The following PRKCE variants were observed in gnomAD, a reference collection of about 807,000 sequenced individuals.
PRKCE encodes protein kinase C epsilon type.
In PRKCE, 16 loss-of-function variants were observed where a neutral mutation model predicts 85.4. The observed-to-expected ratio is 0.19, with a 90% CI of 0.13 to 0.28. PRKCE has a LOEUF of 0.28. PRKCE is among the 10% of genes least tolerant of loss of function. The probability of loss-of-function intolerance (pLI) is 1.00; values close to 1 mark genes in which losing one functional copy is unlikely to be tolerated. For missense variants in PRKCE, 573 were observed against 975.2 expected (o/e 0.59, Z 5.49); for synonymous variants, 388 against 371.5 (o/e 1.04, Z -0.51).
intron 2 of PRKCE, among the ~76,000 whole-genome samples, chr2:45,914,627 T>A (rs1425479734): frequency 6.6e-6 from 1 of 152,210 alleles, no homozygotes; most frequent in Non-Finnish European, 1.5e-5. Flanking sequence ...CCCTGGACCA[T>A]GCATTTAGAG....
chr2:45,864,520 C>T (rs1335620455), intron 2 of PRKCE, among the ~76,000 whole-genome samples: 1 of 152,142 alleles, frequency 6.6e-6, no homozygotes, highest in Non-Finnish European at 1.5e-5. Flanking sequence ...TAATTGCCTT[C>T]TTAATGTACT....
At chr2:45,713,203 A>T (rs1433277099) in intron 1 of PRKCE, among the ~76,000 whole-genome samples, 1 of 152,148 alleles carries the variant, frequency 6.6e-6, no homozygotes, top group Non-Finnish European at 1.5e-5. Flanking sequence ...ATGTGTTTGG[A>T]ATCAAGTTCT....
intron 10 of PRKCE, chr2:46,073,619 C>A (rs981222248): frequency 6.6e-6 from 1 of 152,082 alleles, no homozygotes; most frequent in Admixed American, 6.6e-5. Flanking sequence ...CAGCAGAACC[C>A]AACAGGAGCA....
chr2:46,090,448 C>T (rs4953306), intron 11 of PRKCE, among the ~76,000 whole-genome samples: 3,656 of 152,196 alleles, frequency 0.024, 95 homozygotes, highest in East Asian at 0.11. Context: ...GATACCTCTT[C>T]TGTGATTGAG....
intron 1 of PRKCE, among the ~76,000 whole-genome samples, chr2:45,722,474 C>G (rs150637076): frequency 6.6e-6 from 1 of 152,320 alleles, no homozygotes; most frequent in East Asian, 1.9e-4. Flanking sequence ...GCAGGAACCT[C>G]CAGAGGTTCC....
At chr2:45,704,980 G>A (rs142793304) in intron 1 of PRKCE, among the ~76,000 whole-genome samples, 2 of 152,246 alleles carry the variant, frequency 1.3e-5, no homozygotes, top group East Asian at 1.9e-4. Flanking sequence ...TATCAGGAGG[G>A]GAGCCTGAAT....
chr2:45,667,407 C>G (rs1220807493), intron 1 of PRKCE, among the ~76,000 whole-genome samples: 1 of 152,112 alleles, frequency 6.6e-6, no homozygotes, highest in East Asian at 1.9e-4. Context: ...TTCGGCCTCC[C>G]AAAGTGCTGG....
intron 11 of PRKCE, among the ~76,000 whole-genome samples, chr2:46,104,108 C>T (rs1671488600): frequency 6.6e-6 from 1 of 152,126 alleles, no homozygotes; most frequent in Non-Finnish European, 1.5e-5. Flanking sequence ...TAATCAGAAT[C>T]CTCTGCCAGA....
intron 1 of PRKCE, among the ~76,000 whole-genome samples, chr2:45,656,426 T>C (rs1326892544): frequency 6.6e-6 from 1 of 152,210 alleles, no homozygotes; most frequent in African/African-American, 2.4e-5. Flanking sequence ...ATTCTCCAGA[T>C]AATGAGAGAT....
intron 10 of PRKCE, among the ~76,000 whole-genome samples, chr2:46,085,352 C>A (rs555578826): frequency 6.6e-6 from 1 of 152,212 alleles, no homozygotes; most frequent in African/African-American, 2.4e-5. Context: ...TTCCACATTG[C>A]AATCTATTGG....
chr2:46,124,009 A>T (rs1673604357), intron 11 of PRKCE, among the ~76,000 whole-genome samples: 2 of 152,180 alleles, frequency 1.3e-5, no homozygotes, highest in African/African-American at 4.8e-5. Flanking sequence ...TTGAAAAGTG[A>T]TTTTAAAATG....
chr2:45,738,072 C>G (rs1682239287), intron 1 of PRKCE, among the ~76,000 whole-genome samples: 1 of 152,180 alleles, frequency 6.6e-6, no homozygotes, highest in East Asian at 1.9e-4. Flanking sequence ...CGACGCAAAC[C>G]TTTTGTCTGG....
intron 1 of PRKCE, among the ~76,000 whole-genome samples, chr2:45,727,499 G>C (rs1406091392): frequency 1.3e-5 from 2 of 152,176 alleles, no homozygotes; most frequent in East Asian, 3.9e-4. Context: ...GGGCATTCCA[G>C]GTAGCTTAGA....
intron 10 of PRKCE, among the ~76,000 whole-genome samples, chr2:46,024,694 A>G (rs749593752): frequency 2.6e-5 from 4 of 152,198 alleles, no homozygotes; most frequent in Non-Finnish European, 4.4e-5. Context: ...AAAGTGTCCA[A>G]GGATGAGAGT....
chr2:46,055,759 C>T (rs1373610695), intron 10 of PRKCE, among the ~76,000 whole-genome samples: 1 of 152,092 alleles, frequency 6.6e-6, no homozygotes, highest in Non-Finnish European at 1.5e-5. Flanking sequence ...ACCACCTGGG[C>T]TCAAGTGATG....
At chr2:46,080,119 T>C (rs1031597612) in intron 10 of PRKCE, among the ~76,000 whole-genome samples, 2 of 152,210 alleles carry the variant, frequency 1.3e-5, no homozygotes. Context: ...TTTCTACCCA[T>C]GCCAAGAGGG....
intron 1 of PRKCE, chr2:45,840,360 C>G (rs1691246491): frequency 6.6e-6 from 1 of 152,216 alleles, no homozygotes; most frequent in Non-Finnish European, 1.5e-5. Flanking sequence ...GTTGGTTTTC[C>G]TGTTTGTCAT....
intron 6 of PRKCE, among the ~76,000 whole-genome samples, chr2:45,987,411 C>G (rs61756874): frequency 1.3e-5 from 2 of 152,194 alleles, no homozygotes; most frequent in Non-Finnish European, 2.9e-5. Context: ...GATGTTATTA[C>G]TTGGCCTTTT....
intron 2 of PRKCE, among the ~76,000 whole-genome samples, chr2:45,851,029 G>A (rs992942767): frequency 2.0e-5 from 3 of 152,210 alleles, no homozygotes; most frequent in African/African-American, 4.8e-5. Flanking sequence ...TACTGGTAGG[G>A]CAGGGTGCTG....
Sources: gnomAD v4.1 joint callset for allele counts (sites outside exome capture counted in the v4.1 genomes callset) on GRCh38, gnomAD v4.1.1 for gene constraint, MANE v1.5 for transcripts, NCBI Gene and HGNC (gene_info 2026-07-23, HGNC 2026-07-21) for gene names.